Variants in PI4KA observed in about 807,000 individuals in gnomAD.
PI4KA encodes PI4-kinase alpha.
Under a neutral mutation model 271.4 loss-of-function variants are expected in PI4KA, and 122 were observed. That is an observed-to-expected ratio of 0.45 (90% CI 0.39 to 0.52). The LOEUF (loss-of-function observed/expected upper bound fraction) is 0.52. Ranked by LOEUF, PI4KA falls within the 20% of genes least tolerant of loss-of-function variation. PI4KA has a pLI of 0.00. For missense variants in PI4KA, 1,969 were observed against 2,769.1 expected, an observed-to-expected ratio of 0.71 and a Z score of 6.48; for synonymous variants, 1,041 against 1,078.8, an observed-to-expected ratio of 0.96 and a Z score of 0.69.
At chr22:20,814,497 C>T (rs933743094) in intron 7 of PI4KA, among the ~76,000 whole-genome samples, 2 of 152,132 alleles carry the variant, frequency 1.3e-5, no homozygotes, top group Non-Finnish European at 2.9e-5. Flanking sequence ...TGCCTATAAA[C>T]CCAGAGTTTT....
At chr22:20,836,054 A>AAAAAC (rs112102593) in intron 2 of PI4KA, among the ~76,000 whole-genome samples, 11,227 of 149,392 alleles carry the variant, frequency 0.075, 450 homozygotes, top group Middle Eastern at 0.1. Flanking sequence ...TCCATTTCAA[A>AAAAAC]AAAACAAAAC....
chr22:20,758,273 G>C (rs1005928401), intron 23 of PI4KA, among the ~76,000 whole-genome samples: 3 of 149,780 alleles, frequency 2.0e-5, no homozygotes, highest in East Asian at 4.0e-4. Context: ...GCTGAGGCAG[G>C]AGAATGGCAT....
intron 10 of PI4KA, among the ~76,000 whole-genome samples, chr22:20,806,610 T>C (rs1935667179): frequency 6.6e-6 from 1 of 151,740 alleles, no homozygotes. Flanking sequence ...AGGCAGAAGT[T>C]GCAGTGACCC....
At chr22:20,733,661 G>T in intron 35 of PI4KA, 75 bp downstream of exon 35, 1 of 1,612,220 alleles carries the variant, frequency 6.2e-7, no homozygotes, top group Non-Finnish European at 8.5e-7. Flanking sequence ...TGACTTCCTG[G>T]GGGTTTGGGG....
chr22:20,796,219 T>C lies in PI4KA; in HGVS notation c.2204A>G (p.Glu735Gly). The C allele has an allele frequency of 6.2e-7, 1 of 1,613,858 alleles. No homozygotes were observed. Among genetic ancestry groups the C allele is most frequent in the South Asian group, 1.1e-5 (1 of 91,032 alleles). Residue 735 changes from glutamate (E) to glycine (G), a missense_variant, in exon 18 of 55, where the codon GAG (glutamate) becomes GGG (glycine). Around this residue, in one of 13 missense-constraint regions of PI4KA, gnomAD observed 368 missense variants for 544.3 expected, o/e 0.68. Transcript: ENST00000255882. ...LVDELLMNLL[E>G]LFVQLGLEGK... ...CTCCAGCCCCAGCTGCACAAACAAC[T>C]CCAACAGGTTCATGAGCAGCTCATC... is the stretch of plus-strand genomic sequence containing the variant.
chr22:20,708,189 C>CATAAGGG, intron 54 of PI4KA, 91 bp from the exon 55 acceptor site: 2 of 963,174 alleles, frequency 2.1e-6, no homozygotes, highest in Non-Finnish European at 3.4e-6. Context: ...TCCAATCAGC[C>CATAAGGG]CCTTATGGCT....
At position 20,713,359 on chromosome 22, in the gene PI4KA, C is replaced by T. The variant is rs1334262867; in HGVS notation, c.5493G>A (p.Glu1831=). The T allele has an allele frequency of 6.3e-7, 1 of 1,595,564 alleles. No individual in the cohort carries two copies. Residue 1831 remains glutamate, a synonymous_variant, in exon 48 of 55, where the codon GAG becomes GAA. Transcript: ENST00000255882. The stretch of plus-strand genomic sequence containing the variant: ...GGCCGTCGGCCTCCTGCGTGCTGCA[C>T]TCATCCTCGGAGTCTGAGCGGCACC... ...GLRCRSDSED[E]CSTQEADGQK...
intron 30 of PI4KA, among the ~76,000 whole-genome samples, chr22:20,744,271 C>T (rs569458325): frequency 6.6e-6 from 1 of 152,218 alleles, no homozygotes; most frequent in Admixed American, 6.5e-5. Context: ...TCTTGGGAAC[C>T]TCCGTTTATC....
intron 8 of PI4KA, among the ~76,000 whole-genome samples, chr22:20,812,173 T>TA (rs1415626808): frequency 5.9e-5 from 9 of 152,348 alleles, no homozygotes; most frequent in African/African-American, 2.2e-4. Context: ...GTCATGGCTC[T>TA]ACCAGGCCAC....
intron 19 of PI4KA, among the ~76,000 whole-genome samples, chr22:20,785,708 C>T (rs897189528): frequency 1.6e-4 from 25 of 152,046 alleles, no homozygotes; most frequent in African/African-American, 6.0e-4. Flanking sequence ...TTTTAGATGC[C>T]TTTTTAAACC....
At position 20,834,706 on chromosome 22, in the gene PI4KA, T is replaced by C. The variant is rs979816601; in HGVS notation, c.274-51A>G. 5 of 1,221,394 alleles carry C rather than the reference T, an allele frequency of 4.1e-6. No homozygotes were observed. In the African/African-American group the frequency reaches 7.6e-5, roughly 19 times the overall value. The allele number at this position is 1,221,394 out of a possible 1,614,324, so 75.7% of individuals were successfully genotyped here. A position where few individuals can be genotyped will look rare whatever the true frequency, so the allele number is the denominator to read the frequency against. Reference sequence around the variant, plus strand: ...AATTAGATTTAATAAAATAAGTGATTGGCAGCTTTTTAGCCCAGATTAAGC... The same window carrying C: ...AATTAGATTTAATAAAATAAGTGATCGGCAGCTTTTTAGCCCAGATTAAGC... On this transcript the variant is annotated intron_variant, in intron 2 of 54. Transcript: ENST00000255882.
At chr22:20,738,815 A>AG (rs1929033109) in intron 32 of PI4KA, among the ~76,000 whole-genome samples, 1 of 152,262 alleles carries the variant, frequency 6.6e-6, no homozygotes, top group African/African-American at 2.4e-5. Flanking sequence ...TTTGCTTAAA[A>AG]TAAAAAAAAA....
chr22:20,798,876 C>T (rs1225007905), intron 16 of PI4KA, 189 bp from the exon 17 acceptor site: 1 of 625,528 alleles, frequency 1.6e-6, no homozygotes, highest in East Asian at 2.7e-5. Context: ...GGCTTAGATT[C>T]AAATCTTCTG....
intron 1 of PI4KA, among the ~76,000 whole-genome samples, chr22:20,842,346 T>G (rs165594): frequency 0.55 from 83,352 of 152,068 alleles, 24,621 homozygotes; most frequent in African/African-American, 0.78. Flanking sequence ...ACACAGGTTG[T>G]GTTTCTAATC....
In PI4KA at chr22:20,753,031, G is replaced by C. The variant is rs746520697; in HGVS notation, c.2863-4C>G. On this transcript the variant is annotated splice_polypyrimidine_tract_variant and splice_region_variant and intron_variant, in intron 24 of 54. Coordinates refer to ENST00000255882, the MANE Select transcript of PI4KA (RefSeq NM_058004.4). ...CCTCGTTCTCCTTGGTCTTGGCCTAGAGATGCAAAAGAAACAGGTACCGCA... is the reference window on the plus strand; with the variant it reads ...CCTCGTTCTCCTTGGTCTTGGCCTACAGATGCAAAAGAAACAGGTACCGCA... 40 of 1,614,106 alleles carry C rather than the reference G, an allele frequency of 2.5e-5. No individual in the cohort carries two copies. Among genetic ancestry groups the C allele is most frequent in the Non-Finnish European group, 3.3e-5 (39 of 1,180,052 alleles).
chr22:20,841,424 G>A (rs1370529241), intron 1 of PI4KA, among the ~76,000 whole-genome samples: 3 of 151,928 alleles, frequency 2.0e-5, no homozygotes, highest in African/African-American at 4.8e-5. Context: ...GGGGCTCTGG[G>A]GTACTCTGAC....
At position 20,714,715 on chromosome 22, in the gene PI4KA, A is replaced by G. The variant is rs1424747753; in HGVS notation, c.5318-15T>C. On this transcript the variant is annotated splice_polypyrimidine_tract_variant and intron_variant, in intron 45 of 54. Coordinates refer to ENST00000255882, the MANE Select transcript of PI4KA (RefSeq NM_058004.4). Reference sequence around the variant, plus strand: ...CAGGTAGCAGCCTGTGCAGGGACAGAGGCAGTCACAGGGAGTGCATGTGTC... The same window carrying G: ...CAGGTAGCAGCCTGTGCAGGGACAGGGGCAGTCACAGGGAGTGCATGTGTC... 6.2e-7 allele frequency: 1 copy of G among 1,612,332 alleles called. No individual in the cohort carries two copies. Among genetic ancestry groups the G allele is most frequent in the Admixed American group, 1.7e-5 (1 of 59,850 alleles).
intron 50 of PI4KA, among the ~76,000 whole-genome samples, chr22:20,711,710 C>T (rs410957): frequency 1.3e-5 from 2 of 152,134 alleles, no homozygotes; most frequent in Non-Finnish European, 2.9e-5. Flanking sequence ...CCAACCCAGC[C>T]CTACATTCTT....
At chr22:20,714,417 AAGCACTG>A in intron 47 of PI4KA, 34 bp downstream of exon 47, 1 of 1,562,388 alleles carries the variant, frequency 6.4e-7, no homozygotes, top group Non-Finnish European at 8.7e-7. Flanking sequence ...TAGCAAGGAA[AAGCACTG>A]AGCTCCCAAA....
Sources: gnomAD v4.1 joint callset for allele counts (sites outside exome capture counted in the v4.1 genomes callset) on GRCh38, gnomAD v4.1.1 for gene constraint, gnomAD v4.1.1 regional missense constraint, MANE v1.5 for transcripts, NCBI Gene and HGNC (gene_info 2026-07-23, HGNC 2026-07-21) for gene names.